The following TRIM14 variants were observed in gnomAD, a reference collection of about 807,000 sequenced individuals.
TRIM14 encodes tripartite motif containing 14, also known as tripartite motif-containing protein 14.
Under a neutral mutation model 44.5 loss-of-function variants are expected in TRIM14, and 28 were observed. The ratio of observed to expected loss-of-function variants is 0.63; its 90% CI spans 0.47 to 0.86. TRIM14 has a LOEUF of 0.86. Ranked by LOEUF, TRIM14 falls within the 40% of genes least tolerant of loss-of-function variation. The probability of loss-of-function intolerance (pLI) is 0.00; values close to 1 mark genes in which losing one functional copy is unlikely to be tolerated. For missense variants in TRIM14, 607 were observed against 611.1 expected, an observed-to-expected ratio of 0.99 and a Z score of 0.07; for synonymous variants, 299 against 269.2, an observed-to-expected ratio of 1.11 and a Z score of -1.08.
chr9:98,098,131 G>T (rs1457216587), intron 3 of TRIM14, among the ~76,000 whole-genome samples: 1 of 152,170 alleles, frequency 6.6e-6, no homozygotes, highest in Admixed American at 6.5e-5. Flanking sequence ...GCCACTTTTA[G>T]TTGTACCCTG....
the TRIM14 span, among the ~76,000 whole-genome samples, chr9:98,054,428 C>T: frequency 6.6e-5 from 10 of 152,240 alleles, no homozygotes; most frequent in Admixed American, 4.6e-4. Context: ...GAGAGTAAAC[C>T]GAGACCCCTG....
At position 98,095,962 on chromosome 9, in the gene TRIM14, C is replaced by A. The variant is rs188928870; in HGVS notation, c.538-933G>T. Among the ~76,000 whole-genome samples, 5 of 152,324 alleles carry A rather than the reference C, an allele frequency of 3.3e-5. No homozygotes were observed. Among genetic ancestry groups the A allele is most frequent in the Non-Finnish European group, 5.9e-5 (4 of 68,018 alleles). On this transcript the variant is annotated intron_variant, in intron 3 of 5. Coordinates refer to ENST00000341469, the MANE Select transcript of TRIM14 (RefSeq NM_014788.4). This position sits in a 1 kb window ranked among gnomAD's most constrained non-coding sequence, Gnocchi z 4.1. ...CTATCTCATACTCTTCCATAAACTC[C>A]TTTCTTGCTTAAAACAGTTCCAGTG...
the TRIM14 span, among the ~76,000 whole-genome samples, chr9:98,059,383 A>C: frequency 6.6e-6 from 1 of 151,810 alleles, no homozygotes; most frequent in Non-Finnish European, 1.5e-5. Context: ...GTGAGATGGG[A>C]CTTTAGTGGG....
chr9:98,088,148 C>A (rs1322636595), intron 5 of TRIM14, 143 bp from the exon 6 acceptor site: 2 of 903,222 alleles, frequency 2.2e-6, no homozygotes, highest in South Asian at 2.1e-5. Context: ...CCCCTTTAAA[C>A]CGCGACTGCC....
the TRIM14 span, among the ~76,000 whole-genome samples, chr9:98,048,064 C>CAAAAAAAA: frequency 3.7e-5 from 4 of 107,536 alleles, no homozygotes; most frequent in African/African-American, 1.2e-4. Flanking sequence ...GACTCCTTCT[C>CAAAAAAAA]AAAAAAAAAA....
chr9:98,100,896 T>C (rs1278554464), intron 2 of TRIM14, among the ~76,000 whole-genome samples: 1 of 151,952 alleles, frequency 6.6e-6, no homozygotes. Context: ...AAAGAGAAGG[T>C]CCAGTTAAAC....
At chr9:98,071,705 C>T (rs775658029) in intron 6 of TRIM14, among the ~76,000 whole-genome samples, 11 of 152,150 alleles carry the variant, frequency 7.2e-5, no homozygotes, top group African/African-American at 1.4e-4. Context: ...TTTCATTTTC[C>T]GTGTGTGACC....
At chr9:98,047,756 T>C in the TRIM14 span, among the ~76,000 whole-genome samples, 14 of 151,970 alleles carry the variant, frequency 9.2e-5, no homozygotes, top group Non-Finnish European at 1.0e-4. Flanking sequence ...AGAAGCATGC[T>C]CTTGGCCACC....
the TRIM14 span, among the ~76,000 whole-genome samples, chr9:98,057,922 GT>G: frequency 1.5e-3 from 116 of 78,074 alleles, no homozygotes; most frequent in Middle Eastern, 0.013. Flanking sequence ...TTTTTTCCTG[GT>G]TTTTTTTTTT....
the TRIM14 span, chr9:98,061,215 A>T: frequency 3.7e-6 from 2 of 542,962 alleles, no homozygotes; most frequent in South Asian, 4.2e-5. Context: ...GATGGCTCAC[A>T]CCTGTAATCC....
intron 4 of TRIM14, chr9:98,092,471 C>G: frequency 7.8e-6 from 3 of 387,032 alleles, no homozygotes; most frequent in Non-Finnish European, 1.6e-5. Context: ...TCCTTCCCAG[C>G]TATTGGGGCC....
At chr9:98,066,181 A>G (rs143398035), downstream of TRIM14, among the ~76,000 whole-genome samples, 652 of 152,330 alleles carry the variant, frequency 4.3e-3, 8 homozygotes, top group African/African-American at 0.014. Context: ...TGCAGTGACA[A>G]TTAAAAACAA....
chr9:98,112,695 A>G (rs755321088), intron 1 of TRIM14, among the ~76,000 whole-genome samples: 3 of 148,888 alleles, frequency 2.0e-5, no homozygotes, highest in Admixed American at 6.9e-5. Flanking sequence ...GCTACTCAGG[A>G]GGCTGAGGCA....
In TRIM14 at chr9:98,088,920, TTG is replaced by T. The variant is rs1415852917; in HGVS notation, c.794-917_794-916del. ...GTATGTACACATGAAGTTTTTTTTG[TTG>T]TTGTTGTTGTTGTTTTTTAAGTCTG... On this transcript the variant is annotated intron_variant, in intron 5 of 5. Transcript: ENST00000341469. 4.5e-3 allele frequency among the ~76,000 whole-genome samples: 680 copies of T among 150,488 alleles called. 2 individuals are homozygous for T. Among genetic ancestry groups the T allele is most frequent in the African/African-American group, 0.016 (635 of 40,810 alleles).
intron 1 of TRIM14, among the ~76,000 whole-genome samples, chr9:98,113,583 G>C (rs1048932179): frequency 6.6e-6 from 1 of 152,162 alleles, no homozygotes; most frequent in Non-Finnish European, 1.5e-5. Flanking sequence ...TTGAACTCCT[G>C]AGCTCAAGTG....
At chr9:98,096,889 T>C (rs1160970973) in intron 3 of TRIM14, among the ~76,000 whole-genome samples, 3 of 152,266 alleles carry the variant, frequency 2.0e-5, no homozygotes, top group East Asian at 3.9e-4. Context: ...GTGAATGCTT[T>C]CATCCCTCAG....
At chr9:98,092,231 A>T (rs994696964) in intron 4 of TRIM14, among the ~76,000 whole-genome samples, 4 of 152,182 alleles carry the variant, frequency 2.6e-5, no homozygotes, top group African/African-American at 9.7e-5. Context: ...ACTGGATCCA[A>T]CACTCAAGGA....
At position 98,107,959 on chromosome 9, in the gene TRIM14, C is replaced by T. The variant is rs141393824; in HGVS notation, c.303+1930G>A. On this transcript the variant is annotated intron_variant, in intron 2 of 5. Transcript: ENST00000341469. ...CTGGGATTACAGGCATGAGCCACCT[C>T]GCTTGGCCTAGAAGAAGGTAGAACT... Among the ~76,000 whole-genome samples the T allele has an allele frequency of 4.3e-4, 66 of 152,182 alleles. 2 individuals are homozygous for T. Among genetic ancestry groups the T allele is most frequent in the African/African-American group, 1.5e-3 (63 of 41,518 alleles).
the TRIM14 span, among the ~76,000 whole-genome samples, chr9:98,038,059 T>C: frequency 6.6e-6 from 1 of 151,988 alleles, no homozygotes; most frequent in African/African-American, 2.4e-5. Flanking sequence ...TTTTATTGTA[T>C]TTTATTTTTG....
Sources: allele counts gnomAD v4.1 joint callset (sites outside exome capture counted in the v4.1 genomes callset), GRCh38; gene constraint gnomAD v4.1.1; non-coding constraint Gnocchi (gnomAD v3.1); transcripts MANE v1.5; gene names NCBI Gene and HGNC (gene_info 2026-07-23, HGNC 2026-07-21).